RARB: variants seen among roughly 807,000 people sequenced by gnomAD.
RARB encodes the protein retinoic acid receptor beta, also known as HBV-activated protein.
RARB carries 17 observed loss-of-function variants against 51.9 expected under a neutral mutation model. The observed-to-expected ratio is 0.33, with a 90% confidence interval of 0.22 to 0.49. RARB has a LOEUF of 0.49. Ranked by LOEUF, RARB falls within the 20% of genes least tolerant of loss-of-function variation. The probability of loss-of-function intolerance (pLI) is 0.99; values close to 1 mark genes in which losing one functional copy is unlikely to be tolerated. For missense variants in RARB, 369 were observed against 550.8 expected (o/e 0.67, Z 3.30); for synonymous variants, 215 against 195.4 (o/e 1.10, Z -0.84).
intron 2 of RARB, among the ~76,000 whole-genome samples, chr3:24,930,482 G>A (rs985258497): frequency 6.6e-6 from 1 of 151,926 alleles, no homozygotes; most frequent in Non-Finnish European, 1.5e-5. Flanking sequence ...CATTCAATAG[G>A]GCTTTGAATC....
chr3:25,285,047 A>T (rs1208924832), intron 5 of RARB, among the ~76,000 whole-genome samples: 9 of 152,030 alleles, frequency 5.9e-5, no homozygotes, highest in Non-Finnish European at 1.5e-5. Context: ...TCTCTTACTC[A>T]CTTTTGCATT....
At position 25,597,555 on chromosome 3, in the gene RARB, ACT is replaced by A. The variant is rs1424011940; in HGVS notation, c.*942_*943del. 2.6e-5 allele frequency: 4 copies of A among 152,426 alleles called. No individual in the cohort carries two copies. Among genetic ancestry groups the A allele is most frequent in the Non-Finnish European group, 4.4e-5 (3 of 68,008 alleles). 9.4% of individuals were successfully genotyped at this position (152,426 alleles called of 1,614,324 possible). On this transcript the variant is annotated 3_prime_UTR_variant, in exon 8 of 8. Transcript: ENST00000330688. Reference sequence around the variant, plus strand: ...GCTGGTCTACCACCTGGACCATGTAACTCTAGTGTCCTTCCTGATTCATGCCT... The same window carrying A: ...GCTGGTCTACCACCTGGACCATGTAACTAGTGTCCTTCCTGATTCATGCCT...
chr3:25,308,448 C>CTT (rs549224085), intron 5 of RARB, among the ~76,000 whole-genome samples: 9,261 of 130,642 alleles, frequency 0.071, 422 homozygotes, highest in African/African-American at 0.11. Context: ...TTCTTTCTTT[C>CTT]TTTTTTTTTT....
chr3:25,283,949 T>G (rs1703585911), intron 5 of RARB, among the ~76,000 whole-genome samples: 1 of 152,198 alleles, frequency 6.6e-6, no homozygotes, highest in South Asian at 2.1e-4. Flanking sequence ...ACCTAGTGAC[T>G]TTCTCCTAAC....
chr3:25,290,968 TATG>T (rs1703772005), intron 5 of RARB, among the ~76,000 whole-genome samples: 1 of 152,206 alleles, frequency 6.6e-6, no homozygotes, highest in African/African-American at 2.4e-5. Context: ...TGAAGTTTTC[TATG>T]AGCTTGCTCA....
At chr3:25,174,440 G>A (rs776449319) in exon 5 of RARB, 16 of 1,351,956 alleles carry the variant, frequency 1.2e-5, no homozygotes, top group Non-Finnish European at 1.6e-5. Flanking sequence ...AGCAGTGAAC[G>A]GACACATGAC....
chr3:24,869,101 A>T (rs147426627), intron 2 of RARB, among the ~76,000 whole-genome samples: 149 of 152,252 alleles, frequency 9.8e-4, no homozygotes, highest in African/African-American at 3.4e-3. Context: ...TCTCTCATCC[A>T]GGAAACTCAG....
At chr3:25,521,129 A>T (rs1265399512) in intron 3 of RARB, among the ~76,000 whole-genome samples, 1 of 152,164 alleles carries the variant, frequency 6.6e-6, no homozygotes, top group Non-Finnish European at 1.5e-5. Flanking sequence ...GGTCTCCCCC[A>T]TCAGGCAAGG....
At chr3:25,495,979 C>G (rs1697009274) in intron 2 of RARB, among the ~76,000 whole-genome samples, 1 of 152,190 alleles carries the variant, frequency 6.6e-6, no homozygotes, top group Non-Finnish European at 1.5e-5. Context: ...CCAACAGAGG[C>G]CCTGACTGAG....
At chr3:25,266,534 T>G (rs1410898263) in intron 5 of RARB, among the ~76,000 whole-genome samples, 6 of 152,242 alleles carry the variant, frequency 3.9e-5, no homozygotes, top group Non-Finnish European at 8.8e-5. Context: ...TTTAAAATTT[T>G]TATGCCCACA....
At chr3:24,840,742 T>TAAAAAAAA (rs55771334) in intron 1 of RARB, among the ~76,000 whole-genome samples, 7 of 70,346 alleles carry the variant, frequency 1.0e-4, no homozygotes, top group East Asian at 3.9e-4. Flanking sequence ...TGAGTAAGAG[T>TAAAAAAAA]AAAAAAAAAA....
intron 3 of RARB, among the ~76,000 whole-genome samples, chr3:25,518,036 A>C (rs940072447): frequency 1.3e-5 from 2 of 152,206 alleles, no homozygotes; most frequent in African/African-American, 4.8e-5. Flanking sequence ...TTCTGGACTT[A>C]GATGGTGGTG....
At chr3:25,370,092 A>G (rs1706253118) in intron 5 of RARB, among the ~76,000 whole-genome samples, 1 of 152,194 alleles carries the variant, frequency 6.6e-6, no homozygotes, top group Non-Finnish European at 1.5e-5. Context: ...GTATGTGTGT[A>G]TGCATATATA....
chr3:25,523,125 G>C (rs996977724), intron 3 of RARB, among the ~76,000 whole-genome samples: 1 of 152,176 alleles, frequency 6.6e-6, no homozygotes, highest in Non-Finnish European at 1.5e-5. Context: ...CAAATGTATT[G>C]AGAATATCAC....
intron 5 of RARB, among the ~76,000 whole-genome samples, chr3:25,222,224 C>T (rs550154856): frequency 6.6e-6 from 1 of 152,208 alleles, no homozygotes; most frequent in South Asian, 2.1e-4. Flanking sequence ...AACCTAAGGC[C>T]CAGGAGGCCT....
chr3:25,016,394 C>T (rs1230421501), intron 2 of RARB, among the ~76,000 whole-genome samples: 4 of 152,146 alleles, frequency 2.6e-5, no homozygotes, highest in East Asian at 3.8e-4. Context: ...TCAGCACCAT[C>T]GCTGGCCTGT....
In RARB at chr3:24,967,853, G is replaced by A. The variant is rs1293984070; in HGVS notation, c.-379-92272G>A. Among the ~76,000 whole-genome samples, 11 of 152,280 alleles carry A rather than the reference G, an allele frequency of 7.2e-5. No individual in the cohort carries two copies. In the South Asian group the frequency reaches 2.3e-3, roughly 32 times the overall value. On this transcript the variant is annotated intron_variant, in intron 2 of 11. Coordinates refer to the RARB transcript ENST00000383772. ...CAAATAAATTAATGGATAAATTGAT[G>A]TGAACATGTGGTTGAATGACTTTCC...
In RARB at chr3:25,528,751, C is replaced by T. The variant is rs544934396; in HGVS notation, c.448+27428C>T. Among the ~76,000 whole-genome samples the T allele has an allele frequency of 2.6e-5, 4 of 152,096 alleles. No homozygotes were observed. The South Asian group carries it at 6.2e-4, about 24-fold the overall frequency. On this transcript the variant is annotated intron_variant, in intron 3 of 7. Transcript: ENST00000330688. ...TAGGAGAAAAAAGATTCTTATTTCT[C>T]CTCTATTTGCATCTGTCCAGAGGAC...
intron 5 of RARB, among the ~76,000 whole-genome samples, chr3:25,212,550 G>A (rs913433625): frequency 4.6e-5 from 7 of 152,154 alleles, no homozygotes; most frequent in East Asian, 1.9e-4. Flanking sequence ...CCCAGGAGGC[G>A]GAGGTTGCAG....
Sources: allele counts gnomAD v4.1 joint callset (sites outside exome capture counted in the v4.1 genomes callset), GRCh38; gene constraint gnomAD v4.1.1; transcripts MANE v1.5; gene names NCBI Gene and HGNC (gene_info 2026-07-23, HGNC 2026-07-21).